The following ACO1 variants were observed in gnomAD, a reference collection of about 807,000 sequenced individuals.
ACO1 encodes the protein cytoplasmic aconitate hydratase.
Under a neutral mutation model 105.1 loss-of-function variants are expected in ACO1, and 78 were observed. That is an observed-to-expected ratio of 0.74 (90% CI 0.62 to 0.90). The LOEUF is 0.90. ACO1 is among the 40% of genes least tolerant of loss of function. The pLI is 0.00. For synonymous variants in ACO1, 364 were observed against 397.4 expected, an observed-to-expected ratio of 0.92 and a Z score of 1.00; for missense variants, 965 against 1,111.1, an observed-to-expected ratio of 0.87 and a Z score of 1.87.
At chr9:32,404,791 C>T (rs1821571148) in intron 1 of ACO1, among the ~76,000 whole-genome samples, 1 of 152,342 alleles carries the variant, frequency 6.6e-6, no homozygotes, top group South Asian at 2.1e-4. Flanking sequence ...CACCTGGTGG[C>T]ACTCCACAGT....
rs369668428 is a variant in ACO1 at position 32,423,140 on chromosome 9, A to G, written c.971-179A>G. On this transcript the variant is annotated intron_variant, in intron 8 of 20. Coordinates refer to ENST00000309951, the MANE Select transcript of ACO1 (RefSeq NM_002197.3). ...TTAATGGCCCCTAATAAAAAGCAGC[A>G]TCAGTGGGAGAGTCAAACCATTAGC... 1.5e-4 allele frequency among the ~76,000 whole-genome samples: 23 copies of G among 152,334 alleles called. No individual in the cohort carries two copies. In the East Asian group the frequency reaches 4.0e-3, roughly 27 times the overall value.
At chr9:32,407,582 A>T (rs1305735294) in intron 3 of ACO1, among the ~76,000 whole-genome samples, 153 bp downstream of exon 3, 1 of 152,190 alleles carries the variant, frequency 6.6e-6, no homozygotes, top group Non-Finnish European at 1.5e-5. Flanking sequence ...ACACTTTTGA[A>T]AGCTAAGGGT....
At chr9:32,437,377 C>T (rs113002968) in intron 18 of ACO1, among the ~76,000 whole-genome samples, 46 of 152,256 alleles carry the variant, frequency 3.0e-4, no homozygotes, top group African/African-American at 1.1e-3. Flanking sequence ...CTGCCTCACT[C>T]GTAACTGATT....
In ACO1 at chr9:32,388,930, T is replaced by TA. The variant is rs914493616; in HGVS notation, c.-23+4203dup. Among the ~76,000 whole-genome samples, 22 of 152,010 alleles carry TA rather than the reference T, an allele frequency of 1.4e-4. 1 individual carries two copies. The highest frequency in any genetic ancestry group is 3.9e-4 in the African/African-American group (16 of 41,480). On this transcript the variant is annotated intron_variant, in intron 1 of 20. Coordinates refer to ENST00000309951, the MANE Select transcript of ACO1 (RefSeq NM_002197.3). ...GTTGCCACCATCCTCCTCCCCCAAT[T>TA]AAAAAAAACTGCTTTGTCATATCAC...
At chr9:32,393,294 C>A (rs1346416036) in intron 1 of ACO1, among the ~76,000 whole-genome samples, 1 of 152,146 alleles carries the variant, frequency 6.6e-6, no homozygotes, top group African/African-American at 2.4e-5. Flanking sequence ...TCTAAAATGG[C>A]TGCTTTGGGG....
At position 32,439,154 on chromosome 9, in the gene ACO1, T is replaced by C. The variant is rs1333095381; in HGVS notation, c.2248-1311T>C. ...GTGCTTTGCCATGAGATTGTCAACT[T>C]TGCAGTACTTTTTAAAGCACACACT... On this transcript the variant is annotated intron_variant, in intron 18 of 20. Coordinates refer to ENST00000309951, the MANE Select transcript of ACO1 (RefSeq NM_002197.3). The surrounding 1 kb of genome is among the most constrained non-coding windows in gnomAD (Gnocchi z 4.0). Among the ~76,000 whole-genome samples, 1 of 152,166 alleles carries C rather than the reference T, an allele frequency of 6.6e-6. No individual in the cohort carries two copies. The highest frequency in any genetic ancestry group is 2.4e-5 in the African/African-American group (1 of 41,438).
chr9:32,431,613 C>T (rs1822237527), intron 14 of ACO1, 106 bp from the exon 15 acceptor site: 5 of 1,247,500 alleles, frequency 4.0e-6, no homozygotes, highest in South Asian at 2.8e-5. Flanking sequence ...AGTGTTCACA[C>T]GGGCTTTATA....
intron 7 of ACO1, among the ~76,000 whole-genome samples, chr9:32,420,295 C>T (rs924998529): frequency 5.9e-5 from 9 of 152,220 alleles, no homozygotes; most frequent in African/African-American, 2.2e-4. Flanking sequence ...ATTTTCTTAA[C>T]TAGTGCAAGT....
Position 32,436,362 on chromosome 9 carries a change from G to A in ACO1, c.2212G>A (p.Ala738Thr), listed in dbSNP as rs373321398. The A allele has an allele frequency of 6.2e-6, 10 of 1,613,988 alleles. No homozygotes were observed. In the African/African-American group the frequency reaches 9.3e-5, roughly 15 times the overall value. Residue 738 changes from alanine (A) to threonine (T), a missense_variant, in exon 18 of 21, where the codon GCA becomes ACA. Physicochemically the swap from Ala to Thr is moderately conservative, Grantham distance 58 (BLOSUM62 0). Transcript: ENST00000309951. ...GTTAAACAGATTTTTGAACAAGCAG[G>A]CACCACAGACTATCCATCTGCCTTC... ...RLLNRFLNKQ[A>T]PQTIHLPSGE...
At chr9:32,440,830 A>G (rs1225137913) in intron 19 of ACO1, among the ~76,000 whole-genome samples, 1 of 152,156 alleles carries the variant, frequency 6.6e-6, no homozygotes, top group Non-Finnish European at 1.5e-5. Context: ...TGTCTATAGA[A>G]CAGTTTTGGG....
At chr9:32,436,116 C>T (rs1277244930) in intron 17 of ACO1, 134 bp from the exon 18 acceptor site, 1 of 1,225,062 alleles carries the variant, frequency 8.2e-7, no homozygotes. Flanking sequence ...CCATGGAGAA[C>T]AATGCTTAGG....
In ACO1 at chr9:32,453,719, C is replaced by T. The variant is rs771772409; in HGVS notation, c.*3608C>T. On this transcript the variant is annotated 3_prime_UTR_variant, in exon 21 of 21. Coordinates refer to ENST00000309951, the MANE Select transcript of ACO1 (RefSeq NM_002197.3). ...TCTAACAGGACTGTGGAGTAATGTA[C>T]GGGGTTATGTAGGAGCAATGCAGAG... The T allele has an allele frequency of 5.3e-5, 8 of 152,068 alleles. No individual in the cohort carries two copies. Among genetic ancestry groups the T allele is most frequent in the Non-Finnish European group, 8.8e-5 (6 of 68,020 alleles). The allele number at this position is 152,068 out of a possible 1,614,324, so 9.4% of individuals were successfully genotyped here.
intron 1 of ACO1, among the ~76,000 whole-genome samples, chr9:32,399,687 A>C (rs1413269496): frequency 6.6e-6 from 1 of 152,192 alleles, no homozygotes; most frequent in Admixed American, 6.5e-5. Flanking sequence ...TATCTGAAGG[A>C]TAGATTTTTA....
Position 32,429,483 on chromosome 9 carries a change from G to T in ACO1, c.1549G>T (p.Val517Leu), listed in dbSNP as rs1563942438. 6.2e-7 allele frequency: 1 copy of T among 1,614,186 alleles called. No individual in the cohort carries two copies. Among genetic ancestry groups the T allele is most frequent in the Non-Finnish European group, 8.5e-7 (1 of 1,180,018 alleles). ...IGNSGPLPEPVVEAITQGDLV... is the reference protein window; with the variant it reads ...IGNSGPLPEPLVEAITQGDLV... ...CAACAGTGGGCCTTTACCTGAACCT[G>T]TGGTAGAAGCCATCACACAGGTAAT... is the stretch of plus-strand genomic sequence containing the variant. Residue 517 changes from valine to leucine, a missense_variant, in exon 13 of 21, where the codon GTG (valine) becomes TTG (leucine). Physicochemically the swap from Val to Leu is conservative, Grantham distance 32. Transcript: ENST00000309951.
intron 6 of ACO1, 60 bp downstream of exon 6, chr9:32,418,571 T>C: frequency 6.6e-7 from 1 of 1,514,360 alleles, no homozygotes; most frequent in Non-Finnish European, 9.0e-7. Context: ...TGTGATTCTA[T>C]TACATCTCAG....
intron 19 of ACO1, among the ~76,000 whole-genome samples, chr9:32,447,369 C>A (rs1822639391): frequency 6.6e-6 from 1 of 152,214 alleles, no homozygotes; most frequent in Admixed American, 6.5e-5. Context: ...GCTATTGATA[C>A]TTGTATATAC....
chr9:32,420,025 A>G (rs925050909), intron 7 of ACO1, among the ~76,000 whole-genome samples: 2 of 119,824 alleles, frequency 1.7e-5, no homozygotes, highest in African/African-American at 5.2e-5. Context: ...TGAATACCAT[A>G]GCTTATCACA....
Position 32,450,306 on chromosome 9 carries a change from T to C in ACO1, c.*195T>C, listed in dbSNP as rs916924161. The stretch of plus-strand genomic sequence containing the variant: ...CTACATTCTCTATTTTTGTTAATCA[T>C]CTTCTCTTTTTCCAGAATTTGGAAG... On this transcript the variant is annotated 3_prime_UTR_variant, in exon 21 of 21. Transcript: ENST00000309951. 4.5e-6 allele frequency: 3 copies of C among 674,008 alleles called. No individual in the cohort carries two copies. The highest frequency in any genetic ancestry group is 8.3e-6 in the Non-Finnish European group (3 of 362,172). The allele number at this position is 674,008 out of a possible 1,614,324, so 41.8% of individuals were successfully genotyped here.
intron 19 of ACO1, among the ~76,000 whole-genome samples, chr9:32,441,661 C>G (rs1209320712): frequency 6.6e-6 from 1 of 152,152 alleles, no homozygotes; most frequent in Non-Finnish European, 1.5e-5. Context: ...GGGTTGGGAG[C>G]TGTAGCCAAA....
Sources: allele counts gnomAD v4.1 joint callset (sites outside exome capture counted in the v4.1 genomes callset), GRCh38; gene constraint gnomAD v4.1.1; non-coding constraint Gnocchi (gnomAD v3.1); transcripts MANE v1.5; gene names NCBI Gene and HGNC (gene_info 2026-07-23, HGNC 2026-07-21).